The following BMPER variants were observed in gnomAD, a reference collection of about 807,000 sequenced individuals.
The protein encoded by BMPER is BMP binding endothelial regulator.
BMPER carries 45 observed loss-of-function variants against 87.3 expected under a neutral mutation model. That is an observed-to-expected ratio of 0.52 (90% confidence interval 0.41 to 0.66). BMPER has a LOEUF of 0.66. BMPER is among the 30% of genes least tolerant of loss of function. The probability of loss-of-function intolerance (pLI) is 0.00; values close to 1 mark genes in which losing one functional copy is unlikely to be tolerated. For synonymous variants in BMPER, 326 were observed against 316.2 expected, an observed-to-expected ratio of 1.03 and a Z score of -0.33; for missense variants, 784 against 867.5, an observed-to-expected ratio of 0.90 and a Z score of 1.21.
intron 6 of BMPER, among the ~76,000 whole-genome samples, chr7:33,980,045 T>G (rs1325114113): frequency 6.6e-6 from 1 of 152,230 alleles, no homozygotes; most frequent in Non-Finnish European, 1.5e-5. Flanking sequence ...GAGGATTATC[T>G]GGAGAGGATT....
At chr7:34,082,936 G>T (rs943699228) in intron 12 of BMPER, among the ~76,000 whole-genome samples, 1 of 152,190 alleles carries the variant, frequency 6.6e-6, no homozygotes, top group Non-Finnish European at 1.5e-5. Flanking sequence ...GTATGGAGTT[G>T]ATTTTCTCCC....
chr7:33,942,734 G>C (rs1333609027), intron 3 of BMPER, among the ~76,000 whole-genome samples: 1 of 152,202 alleles, frequency 6.6e-6, no homozygotes, highest in Non-Finnish European at 1.5e-5. Flanking sequence ...ATGTAGGCGT[G>C]AGAAATCTCT....
chr7:33,972,135 C>T (rs1050270936), intron 5 of BMPER, among the ~76,000 whole-genome samples: 1 of 152,132 alleles, frequency 6.6e-6, no homozygotes, highest in African/African-American at 2.4e-5. Context: ...GATCTCCTGA[C>T]CTCGTGGTCC....
chr7:34,082,166 G>A (rs1417422553), intron 12 of BMPER, among the ~76,000 whole-genome samples: 1 of 152,048 alleles, frequency 6.6e-6, no homozygotes, highest in African/African-American at 2.4e-5. Flanking sequence ...GACTCTGCCA[G>A]TTATTTCTAC....
At chr7:33,987,924 T>G (rs2127922779) in intron 6 of BMPER, among the ~76,000 whole-genome samples, 1 of 152,338 alleles carries the variant, frequency 6.6e-6, no homozygotes, top group African/African-American at 2.4e-5. Flanking sequence ...CAGTTTCATT[T>G]CTGACTTGAT....
intron 10 of BMPER, 49 bp from the exon 11 acceptor site, chr7:34,061,953 T>G (rs777449185): frequency 3.4e-5 from 50 of 1,469,286 alleles, no homozygotes; most frequent in Non-Finnish European, 4.5e-5. Flanking sequence ...AGACCCTGTT[T>G]TTTTTTTTTT....
chr7:33,942,213 C>G (rs770319473), intron 3 of BMPER, among the ~76,000 whole-genome samples: 1 of 152,034 alleles, frequency 6.6e-6, no homozygotes, highest in Non-Finnish European at 1.5e-5. Context: ...CAAAATGTAA[C>G]GGATCACAGA....
intron 3 of BMPER, among the ~76,000 whole-genome samples, chr7:33,940,962 T>C (rs533025376): frequency 7.4e-6 from 1 of 135,860 alleles, no homozygotes; most frequent in Admixed American, 8.2e-5. Flanking sequence ...TATATATTTA[T>C]ATATAATATA....
At chr7:33,921,928 C>T (rs1338661636) in intron 2 of BMPER, 1 of 453,956 alleles carries the variant, frequency 2.2e-6, no homozygotes, top group Non-Finnish European at 4.6e-6. Context: ...CACCCCAACC[C>T]CTTCGACTCC....
intron 2 of BMPER, among the ~76,000 whole-genome samples, chr7:33,908,148 G>A (rs557197561): frequency 1.3e-5 from 2 of 152,256 alleles, no homozygotes; most frequent in East Asian, 3.9e-4. Flanking sequence ...TTGAAAAGAA[G>A]CTTTCAGTTT....
At chr7:34,141,579 C>T (rs1184724872) in intron 13 of BMPER, among the ~76,000 whole-genome samples, 1 of 132,686 alleles carries the variant, frequency 7.5e-6, no homozygotes, top group Non-Finnish European at 1.5e-5. Context: ...CATTGCACTC[C>T]AGCCTGGGCA....
chr7:34,050,034 C>A (rs1057217363), intron 7 of BMPER, among the ~76,000 whole-genome samples: 14 of 151,956 alleles, frequency 9.2e-5, no homozygotes, highest in Admixed American at 8.5e-4. Context: ...TCAGGGTAAA[C>A]CTATTTGGGT....
At chr7:34,034,376 C>T (rs1046542010) in intron 6 of BMPER, among the ~76,000 whole-genome samples, 23 of 152,128 alleles carry the variant, frequency 1.5e-4, no homozygotes, top group Non-Finnish European at 2.9e-5. Flanking sequence ...CCTAGAAAGT[C>T]GGAGTTCATG....
intron 13 of BMPER, 63 bp from the exon 14 acceptor site, chr7:34,143,167 A>T: frequency 6.2e-7 from 1 of 1,602,752 alleles, no homozygotes; most frequent in Non-Finnish European, 8.5e-7. Context: ...TTCTGAAGTT[A>T]TATTTAGGGT....
At chr7:34,129,879 TG>T (rs1790535478) in intron 13 of BMPER, among the ~76,000 whole-genome samples, 2 of 152,228 alleles carry the variant, frequency 1.3e-5, no homozygotes, top group African/African-American at 4.8e-5. Context: ...GCTAGATATT[TG>T]GATTAGCACC....
intron 2 of BMPER, among the ~76,000 whole-genome samples, chr7:33,910,452 G>A (rs1783930125): frequency 6.6e-6 from 1 of 152,214 alleles, no homozygotes; most frequent in Non-Finnish European, 1.5e-5. Flanking sequence ...TGTGGTGCTT[G>A]ATCTTCTCAG....
intron 3 of BMPER, among the ~76,000 whole-genome samples, chr7:33,962,421 G>A (rs1253320905): frequency 6.6e-6 from 1 of 152,178 alleles, no homozygotes; most frequent in Non-Finnish European, 1.5e-5. Context: ...AGCTTTGTCT[G>A]ATGGTTTACA....
At chr7:33,977,277 T>TA (rs368249301) in intron 6 of BMPER, among the ~76,000 whole-genome samples, 22,695 of 147,208 alleles carry the variant, frequency 0.15, 2,017 homozygotes, top group Admixed American at 0.25. Context: ...TGGAGTACAC[T>TA]AAAAAAAAAA....
chr7:33,929,143 G>T (rs552988221), intron 2 of BMPER, among the ~76,000 whole-genome samples: 5 of 152,282 alleles, frequency 3.3e-5, no homozygotes, highest in African/African-American at 1.2e-4. Context: ...GGCCGGAGGA[G>T]GCGTGTTTGC....
Sources: gnomAD v4.1 joint callset for allele counts (sites outside exome capture counted in the v4.1 genomes callset) on GRCh38, gnomAD v4.1.1 for gene constraint, MANE v1.5 for transcripts, NCBI Gene and HGNC (gene_info 2026-07-23, HGNC 2026-07-21) for gene names.